Variants in KIF17 observed in about 807,000 individuals in gnomAD.
KIF17 encodes the protein kinesin family member 17.
In KIF17, 80 loss-of-function variants were observed where a neutral mutation model predicts 96.8. The ratio of observed to expected loss-of-function variants is 0.83; its 90% CI spans 0.69 to 1.00. The LOEUF (loss-of-function observed/expected upper bound fraction) is 1.00, where lower values mean the gene tolerates loss of function less well. Ranked by LOEUF, KIF17 falls within the 50% of genes least tolerant of loss-of-function variation. The pLI is 0.00. For missense variants in KIF17, 1,280 were observed against 1,372.9 expected (o/e 0.93, Z 1.07); for synonymous variants, 567 against 587.5 (o/e 0.97, Z 0.51).
chr1:20,661,753 C>T (rs2053440283), downstream of KIF17, among the ~76,000 whole-genome samples: 1 of 152,274 alleles, frequency 6.6e-6, no homozygotes, highest in Admixed American at 6.5e-5. Context: ...GCGTCCTGGA[C>T]AGGGTGTTTG....
chr1:20,707,762 C>CAA lies in KIF17; in HGVS notation c.670+1875_670+1876dup, dbSNP rs1181710621. Among the ~76,000 whole-genome samples the CAA allele has an allele frequency of 1.2e-4, 12 of 103,270 alleles. No individual in the cohort carries two copies. In the South Asian group the frequency reaches 1.2e-3, roughly 10 times the overall value. The allele number at this position is 103,270 out of a possible 152,430, so 67.7% of individuals were successfully genotyped here. A position where few individuals can be genotyped will look rare whatever the true frequency, so the allele number is the denominator to read the frequency against. On this transcript the variant is annotated intron_variant, in intron 4 of 14. Coordinates refer to ENST00000400463, the MANE Select transcript of KIF17 (RefSeq NM_001122819.3). ...TCCAGCCTGGGCAACAGAGCTGTCT[C>CAA]AAAAAAAAAAACAAACCAATGTGTA... is the stretch of plus-strand genomic sequence containing the variant.
Position 20,672,242 on chromosome 1 carries a change from C to T in KIF17, c.2464-46G>A. 3 of 1,609,004 alleles carry T rather than the reference C, an allele frequency of 1.9e-6. No individual in the cohort carries two copies. Among genetic ancestry groups the T allele is most frequent in the Non-Finnish European group, 2.5e-6 (3 of 1,178,752 alleles). ...GCAGTGAGCAGGGAAAGATACCTCC[C>T]CTTCCATCTAACCACCCTGTCCACT... On this transcript the variant is annotated intron_variant, in intron 11 of 14. Transcript: ENST00000400463. The surrounding 1 kb of genome is among the most constrained non-coding windows in gnomAD (Gnocchi z 4.3).
chr1:20,676,975 C>G (rs1404474462), intron 11 of KIF17, among the ~76,000 whole-genome samples: 1 of 152,138 alleles, frequency 6.6e-6, no homozygotes, highest in Non-Finnish European at 1.5e-5. Context: ...CTTTGGGAAG[C>G]CAAGGCAGGA....
At chr1:20,694,982 G>A (rs956113609) in intron 6 of KIF17, among the ~76,000 whole-genome samples, 7 of 152,112 alleles carry the variant, frequency 4.6e-5, no homozygotes, top group Non-Finnish European at 1.0e-4. Context: ...TTAGCAATAC[G>A]TGGATGGAAA....
chr1:20,690,469 A>G, intron 6 of KIF17, 134 bp from the exon 7 acceptor site: 2 of 768,064 alleles, frequency 2.6e-6, no homozygotes, highest in Non-Finnish European at 4.1e-6. Flanking sequence ...ATGGTACAAC[A>G]CTGTGATAAT....
Position 20,671,456 on chromosome 1 carries a change from T to G in KIF17, c.2722+482A>C, listed in dbSNP as rs645831. 1.7e-4 allele frequency among the ~76,000 whole-genome samples: 26 copies of G among 152,146 alleles called. No homozygotes were observed. The East Asian group carries it at 2.7e-3, about 16-fold the overall frequency. ...AGCGATCCTCTCGCCTCAGCCCCCA[T>G]AGTAGCTGGGACTACAGGTACATGC... On this transcript the variant is annotated intron_variant, in intron 12 of 14. Transcript: ENST00000400463.
intron 10 of KIF17, 85 bp downstream of exon 10, chr1:20,684,724 C>G: frequency 7.4e-7 from 1 of 1,353,760 alleles, no homozygotes; most frequent in Non-Finnish European, 1.0e-6. Context: ...TGGGAGGAAG[C>G]TATGGCACCC....
rs542213034 is a variant in KIF17 at position 20,684,981 on chromosome 1, G to C, written c.2059C>G (p.Arg687Gly). The C allele has an allele frequency of 6.2e-7, 1 of 1,604,634 alleles. No homozygotes were observed. The highest frequency in any genetic ancestry group is 8.5e-7 in the Non-Finnish European group (1 of 1,175,836). ...LASEVALEVVRTAEPGVWLEA... is the reference protein window; with the variant it reads ...LASEVALEVVGTAEPGVWLEA... ...AACCACACGCCAGGCTCTGCTGTCC[G>C]CACCACCTCTAAGGCCACTTCCGAG... Residue 687 changes from arginine to glycine, a missense_variant, in exon 10 of 15, where the codon CGG (arginine) becomes GGG (glycine). Arg to Gly is a moderately radical substitution (Grantham distance 125). Coordinates refer to ENST00000400463, the MANE Select transcript of KIF17 (RefSeq NM_001122819.3).
At chr1:20,673,131 G>A (rs1230242077) in intron 11 of KIF17, 1 of 152,164 alleles carries the variant, frequency 6.6e-6, no homozygotes, top group South Asian at 2.1e-4. Context: ...GGAGGCTGAG[G>A]TAGAATTACG....
intron 7 of KIF17, among the ~76,000 whole-genome samples, chr1:20,689,173 C>T (rs894994570): frequency 6.6e-6 from 1 of 152,102 alleles, no homozygotes; most frequent in Non-Finnish European, 1.5e-5. Context: ...AGGTAAAGCA[C>T]CCACACAGTA....
intron 6 of KIF17, among the ~76,000 whole-genome samples, chr1:20,696,896 C>T (rs961636284): frequency 2.0e-5 from 3 of 152,206 alleles, no homozygotes; most frequent in African/African-American, 7.2e-5. Context: ...CTCCCCAGAG[C>T]TACAGGAAGG....
chr1:20,677,239 G>A (rs775845494), intron 11 of KIF17, among the ~76,000 whole-genome samples: 1 of 152,194 alleles, frequency 6.6e-6, no homozygotes, highest in Non-Finnish European at 1.5e-5. Flanking sequence ...CCAGGTTTTT[G>A]TAAATATACT....
Position 20,687,913 on chromosome 1 carries a change from C to G in KIF17, c.1413G>C (p.Lys471Asn). ...EAVLQVGVLY[K>N]AEVMSRAEFA... ...ACTCAGCCCTGGACATGACCTCAGC[C>G]TTGTAGAGGACTCCCACCTGCAGGA... Residue 471 changes from lysine (K) to asparagine (N), a missense_variant, in exon 8 of 15, where the codon AAG becomes AAC. Coordinates refer to ENST00000400463, the MANE Select transcript of KIF17 (RefSeq NM_001122819.3). The surrounding 1 kb of genome is among the most constrained non-coding windows in gnomAD (Gnocchi z 4.4). The G allele has an allele frequency of 6.2e-7, 1 of 1,613,834 alleles. No individual in the cohort carries two copies. Among genetic ancestry groups the G allele is most frequent in the Non-Finnish European group, 8.5e-7 (1 of 1,180,036 alleles).
rs1482782028 is a variant in KIF17, at chr1:20,685,425, C to T, written c.2020-405G>A. ...CCCCCGCCACCGTGGCCTCCTTTTC[C>T]ATTGCTAAGAAAGTCAAGGTCTTTC... On this transcript the variant is annotated intron_variant, in intron 9 of 14. Coordinates refer to ENST00000400463, the MANE Select transcript of KIF17 (RefSeq NM_001122819.3). This position sits in a 1 kb window ranked among gnomAD's most constrained non-coding sequence, Gnocchi z 4.1. The T allele has an allele frequency of 2.6e-6, 1 of 387,834 alleles. No homozygotes were observed. The highest frequency in any genetic ancestry group is 2.0e-5 in the South Asian group (1 of 49,202). The allele number at this position is 387,834 out of a possible 1,614,324, so 24.0% of individuals were successfully genotyped here.
rs1557594308 is a variant in KIF17, at chr1:20,690,336, C to CT, written c.1234-2dup. The stretch of plus-strand genomic sequence containing the variant: ...GCCGGGCCAGGCGCTCTTCATACTC[C>CT]TGGGGGGGTGGGAGGGACCAGAGGG... On this transcript the variant is annotated splice_acceptor_variant, in intron 6 of 14. Transcript: ENST00000400463. LOFTEE classifies it high-confidence loss of function. 1 of 349,052 alleles carries CT rather than the reference C, an allele frequency of 2.9e-6. No individual in the cohort carries two copies. Among genetic ancestry groups the CT allele is most frequent in the Non-Finnish European group, 5.7e-6 (1 of 176,242 alleles). 21.6% of individuals were successfully genotyped at this position (349,052 alleles called of 1,614,324 possible). A position where few individuals can be genotyped will look rare whatever the true frequency, so the allele number is the denominator to read the frequency against.
intron 13 of KIF17, among the ~76,000 whole-genome samples, chr1:20,666,655 G>A (rs746943624): frequency 2.0e-5 from 3 of 152,176 alleles, no homozygotes; most frequent in South Asian, 2.1e-4. Context: ...CAGGGGGGCC[G>A]GGTTGATACA....
chr1:20,679,125 A>G (rs2053785689), intron 11 of KIF17, among the ~76,000 whole-genome samples: 2 of 152,126 alleles, frequency 1.3e-5, no homozygotes, highest in South Asian at 4.2e-4. Flanking sequence ...CAGCCTGGGC[A>G]ACATGGCAAA....
At chr1:20,715,698 A>G in intron 1 of KIF17, 59 bp from the exon 2 acceptor site, 1 of 1,604,246 alleles carries the variant, frequency 6.2e-7, no homozygotes, top group Non-Finnish European at 8.5e-7. Context: ...AGGGCTCGGG[A>G]CAGGGCTCCC....
chr1:20,669,749 G>A (rs957188970), intron 13 of KIF17, among the ~76,000 whole-genome samples: 1 of 146,872 alleles, frequency 6.8e-6, no homozygotes, highest in African/African-American at 2.5e-5. Context: ...GTGCGCGCCT[G>A]TAGTCCCAGC....
Sources: gnomAD v4.1 joint callset for allele counts (sites outside exome capture counted in the v4.1 genomes callset) on GRCh38, gnomAD v4.1.1 for gene constraint, Gnocchi (gnomAD v3.1) non-coding constraint, MANE v1.5 for transcripts, NCBI Gene and HGNC (gene_info 2026-07-23, HGNC 2026-07-21) for gene names.